Variants in MYO9B observed in about 807,000 individuals in gnomAD.
MYO9B encodes unconventional myosin-IXb.
A neutral mutation model predicts 229.5 loss-of-function variants in MYO9B; 71 were observed. The ratio of observed to expected loss-of-function variants is 0.31; its 90% CI spans 0.26 to 0.38. The LOEUF (loss-of-function observed/expected upper bound fraction) is 0.38, where lower values mean the gene tolerates loss of function less well. MYO9B is among the 10% of genes least tolerant of loss of function. The pLI is 1.00. For synonymous variants in MYO9B, 1,185 were observed against 1,235.8 expected, an observed-to-expected ratio of 0.96 and a Z score of 0.86; for missense variants, 2,255 against 2,920.5, an observed-to-expected ratio of 0.77 and a Z score of 5.25.
At chr19:17,103,963 G>A (rs915513788) in intron 2 of MYO9B, among the ~76,000 whole-genome samples, 2 of 151,770 alleles carry the variant, frequency 1.3e-5, no homozygotes, top group African/African-American at 4.8e-5. Flanking sequence ...GGCTGAGGCA[G>A]GAGAATCGCT....
chr19:17,176,223 A>G lies in MYO9B; in HGVS notation c.2219+482A>G, dbSNP rs973869175. Among the ~76,000 whole-genome samples the G allele has an allele frequency of 3.3e-5, 5 of 151,728 alleles. No individual in the cohort carries two copies. The South Asian group carries it at 1.0e-3, about 32-fold the overall frequency. ...TTCTTTTGTATTTTTTTTTAACTAG[A>G]GACGGGGTTTCACCGTGTTGGCCAG... On this transcript the variant is annotated intron_variant, in intron 14 of 39. Transcript: ENST00000682292.
rs2073233839 is a variant in MYO9B, at chr19:17,211,903, G to A, written c.6067G>A (p.Ala2023Thr). 13 of 1,581,370 alleles carry A rather than the reference G, an allele frequency of 8.2e-6. No individual in the cohort carries two copies. The highest frequency in any genetic ancestry group is 1.1e-5 in the Non-Finnish European group (13 of 1,162,084). Reference protein sequence around the residue: ...AGRGASEGPPAPALPCPGAPT... With the variant: ...AGRGASEGPPTPALPCPGAPT... ...CATCTGTCTCTCAAAAGGGCCCCCTGCGCCTGCTCTCCCTTGCCCCGGCGC... is the reference window on the plus strand; with the variant it reads ...CATCTGTCTCTCAAAAGGGCCCCCTACGCCTGCTCTCCCTTGCCCCGGCGC... The change falls in exon 40 of 40, where the codon GCG becomes ACG. Residue 2023 changes from alanine (A) to threonine (T), a missense_variant. Physicochemically the swap from Ala to Thr is moderately conservative, Grantham distance 58. Coordinates refer to ENST00000682292, the MANE Select transcript of MYO9B (RefSeq NM_004145.4).
chr19:17,143,846 G>T (rs2072373467), intron 2 of MYO9B, among the ~76,000 whole-genome samples: 1 of 152,226 alleles, frequency 6.6e-6, no homozygotes. Flanking sequence ...GCTTGAACCT[G>T]GGAGGTGGAG....
chr19:17,162,235 G>T (rs1019705557), intron 8 of MYO9B, 115 bp from the exon 9 acceptor site: 2 of 774,742 alleles, frequency 2.6e-6, no homozygotes, highest in African/African-American at 1.7e-5. Context: ...AACCCAGGAG[G>T]TGGAGGTTGC....
intron 5 of MYO9B, 48 bp downstream of exon 5, chr19:17,154,114 C>T (rs770961006): frequency 1.3e-6 from 2 of 1,552,224 alleles, no homozygotes; most frequent in South Asian, 1.1e-5. Flanking sequence ...TGTTCCCGGC[C>T]TCAAGCTGTT....
intron 7 of MYO9B, chr19:17,157,286 G>C (rs1229771990): frequency 2.4e-6 from 1 of 414,068 alleles, no homozygotes; most frequent in Non-Finnish European, 4.3e-6. Flanking sequence ...GCCGGGTGCG[G>C]TGTCTCACCT....
rs951704918 is a variant in MYO9B, at chr19:17,206,050, C to T, written c.5155C>T (p.Leu1719Phe). ...KASVPIVLEK[L>F]LEHVEMHGLY... ...CTCGGTGCCCATCGTGCTGGAGAAG[C>T]TCCTGGAACACGTGGAGATGCACGG... Residue 1719 changes from leucine to phenylalanine, a missense_variant, in exon 32 of 40, where the codon CTC becomes TTC. Physicochemically the swap from Leu to Phe is conservative, Grantham distance 22. This residue lies in a region of MYO9B where 416 missense variants were observed against 605.5 expected (regional missense o/e 0.69). Transcript: ENST00000682292. The T allele has an allele frequency of 2.3e-5, 37 of 1,610,816 alleles. No individual in the cohort carries two copies. The highest frequency in any genetic ancestry group is 3.1e-5 in the Non-Finnish European group (37 of 1,178,054).
chr19:17,133,256 T>C (rs2145182233), intron 2 of MYO9B, among the ~76,000 whole-genome samples: 1 of 152,336 alleles, frequency 6.6e-6, no homozygotes, highest in South Asian at 2.1e-4. Flanking sequence ...ACGTACGCGT[T>C]ACCTGACATA....
chr19:17,119,735 T>G (rs1054515949), intron 2 of MYO9B, among the ~76,000 whole-genome samples: 3 of 152,206 alleles, frequency 2.0e-5, no homozygotes, highest in Admixed American at 6.5e-5. Flanking sequence ...CACTGCAGGC[T>G]CCGCCTCCCG....
intron 10 of MYO9B, among the ~76,000 whole-genome samples, chr19:17,167,089 A>G (rs920608189): frequency 4.1e-5 from 6 of 145,640 alleles, no homozygotes; most frequent in Non-Finnish European, 7.4e-5. Flanking sequence ...TTCAATATTT[A>G]TATTATACTT....
At chr19:17,191,344 C>T in intron 20 of MYO9B, 125 bp downstream of exon 20, 3 of 1,264,834 alleles carry the variant, frequency 2.4e-6, no homozygotes, top group Non-Finnish European at 3.2e-6. Context: ...AAATGCATTT[C>T]TCGGGACCCA....
rs60446406 is a variant in MYO9B, at chr19:17,119,496, T to G, written c.840+16939T>G. On this transcript the variant is annotated intron_variant, in intron 2 of 39. Transcript: ENST00000682292. ...CCGAGGAGGGGAGCCTGGGCGGTCC[T>G]CCTATGCCTGAGTGCGCTCCCATCC... Among the ~76,000 whole-genome samples the G allele has an allele frequency of 7.5e-3, 1,147 of 152,172 alleles. 12 individuals carry two copies. The highest frequency in any genetic ancestry group is 0.034 in the East Asian group (173 of 5,154).
chr19:17,201,982 C>T lies in MYO9B; in HGVS notation c.4620C>T (p.Thr1540=), dbSNP rs376070309. 19 of 1,612,984 alleles carry T rather than the reference C, an allele frequency of 1.2e-5. No individual in the cohort carries two copies. Among genetic ancestry groups the T allele is most frequent in the Non-Finnish European group, 1.4e-5 (16 of 1,179,574 alleles). The change falls in exon 27 of 40, where the codon ACC becomes ACT. Residue 1540 remains threonine, a synonymous_variant. Coordinates refer to ENST00000682292, the MANE Select transcript of MYO9B (RefSeq NM_004145.4). The part of the protein sequence containing the change: ...TPIESLFIEA[T]EKFRSNIKTM... ...TTGAGAGCTTGTTTATCGAAGCCAC[C>T]GAGAAGTTCAGGAGCAACATCAAAA...
In MYO9B at chr19:17,172,250, G is replaced by A. The variant is rs1403492964; in HGVS notation, c.1794-86G>A. The A allele has an allele frequency of 1.7e-5, 24 of 1,433,314 alleles. No individual in the cohort carries two copies. The highest frequency in any genetic ancestry group is 2.7e-5 in the East Asian group (1 of 36,384). 88.8% of individuals were successfully genotyped at this position (1,433,314 alleles called of 1,614,324 possible). A position where few individuals can be genotyped will look rare whatever the true frequency, so the allele number is the denominator to read the frequency against. On this transcript the variant is annotated intron_variant, in intron 11 of 39. Coordinates refer to ENST00000682292, the MANE Select transcript of MYO9B (RefSeq NM_004145.4). This position sits in a 1 kb window ranked among gnomAD's most constrained non-coding sequence, Gnocchi z 8.2. ...CCCACCCCATGCACCCACCCACCTC[G>A]TGCACCAGGGGTCTGCAAGATAAAA... is the stretch of plus-strand genomic sequence containing the variant.
intron 2 of MYO9B, among the ~76,000 whole-genome samples, chr19:17,117,642 A>T (rs1247730005): frequency 1.3e-5 from 2 of 152,138 alleles, no homozygotes; most frequent in African/African-American, 4.8e-5. Context: ...TGTCAGTGTC[A>T]TTACAGTATT....
At chr19:17,132,909 A>G (rs9797862) in intron 2 of MYO9B, among the ~76,000 whole-genome samples, 30,626 of 140,458 alleles carry the variant, frequency 0.22, 3,669 homozygotes, top group African/African-American at 0.35. Context: ...GTGCAGTGGC[A>G]TGATCTCGGC....
chr19:17,199,174 G>C (rs1355994747), intron 24 of MYO9B, among the ~76,000 whole-genome samples: 2 of 152,168 alleles, frequency 1.3e-5, no homozygotes, highest in African/African-American at 4.8e-5. Context: ...CTGCACTCCA[G>C]CCTGGGCAAG....
chr19:17,089,114 G>A (rs1032110685), intron 1 of MYO9B, among the ~76,000 whole-genome samples: 4 of 152,128 alleles, frequency 2.6e-5, no homozygotes, highest in Non-Finnish European at 4.4e-5. Context: ...CGTGAGCGTG[G>A]CCATCTTATG....
intron 14 of MYO9B, among the ~76,000 whole-genome samples, chr19:17,179,616 G>A (rs773647497): frequency 2.0e-5 from 3 of 151,486 alleles, no homozygotes; most frequent in African/African-American, 4.8e-5. Flanking sequence ...TAGTAGAGAC[G>A]GGGTTTCACC....
Sources: allele counts gnomAD v4.1 joint callset (sites outside exome capture counted in the v4.1 genomes callset), GRCh38; gene constraint gnomAD v4.1.1; regional missense constraint gnomAD v4.1.1; non-coding constraint Gnocchi (gnomAD v3.1); transcripts MANE v1.5; gene names NCBI Gene and HGNC (gene_info 2026-07-23, HGNC 2026-07-21).